Variants in P4HA1 observed in about 807,000 individuals in gnomAD.
P4HA1 encodes prolyl 4-hydroxylase subunit alpha-1.
P4HA1 carries 24 observed loss-of-function variants against 72.8 expected under a neutral mutation model. That is an observed-to-expected ratio of 0.33 (90% CI 0.24 to 0.46). P4HA1 has a LOEUF of 0.46. Among genes scored for constraint, P4HA1 ranks in the 20% least tolerant of loss-of-function variants. P4HA1 has a pLI of 1.00. For synonymous variants in P4HA1, 201 were observed against 218.8 expected (o/e 0.92, Z 0.72); for missense variants, 446 against 640.6 (o/e 0.70, Z 3.28).
chr10:73,068,186 A>G (rs1841471427), intron 5 of P4HA1, among the ~76,000 whole-genome samples: 1 of 152,196 alleles, frequency 6.6e-6, no homozygotes, highest in Admixed American at 6.5e-5. Context: ...TGAGCAAGAA[A>G]ACATTTTGAT....
At chr10:73,068,255 C>T (rs111347578) in intron 5 of P4HA1, among the ~76,000 whole-genome samples, 15 of 152,268 alleles carry the variant, frequency 9.9e-5, no homozygotes, top group African/African-American at 3.6e-4. Context: ...TGTGAAGACA[C>T]AGACAACATA....
intron 12 of P4HA1, among the ~76,000 whole-genome samples, chr10:73,011,542 G>A (rs1417150467): frequency 6.6e-6 from 1 of 151,940 alleles, no homozygotes; most frequent in Non-Finnish European, 1.5e-5. Context: ...TCATGGAAGG[G>A]AATCAAACAT....
intron 12 of P4HA1, among the ~76,000 whole-genome samples, chr10:73,014,023 G>T (rs533974399): frequency 9.2e-5 from 14 of 152,128 alleles, no homozygotes; most frequent in African/African-American, 2.9e-4. Flanking sequence ...TTCTAAGTTT[G>T]TCCAGAAGTT....
At chr10:73,022,248 A>G (rs577008790) in intron 10 of P4HA1, among the ~76,000 whole-genome samples, 1 of 152,308 alleles carries the variant, frequency 6.6e-6, no homozygotes, top group Non-Finnish European at 1.5e-5. Flanking sequence ...AGGGGCCGAC[A>G]GACACCTCAT....
At chr10:73,093,873 A>AAAATATAT (rs1564640954) in intron 1 of P4HA1, among the ~76,000 whole-genome samples, 4 of 29,322 alleles carry the variant, frequency 1.4e-4, no homozygotes, top group Non-Finnish European at 3.2e-4. Context: ...AAAAAAAAAA[A>AAAATATAT]ATATATATAT....
intron 11 of P4HA1, among the ~76,000 whole-genome samples, 156 bp from the exon 12 acceptor site, chr10:73,014,445 C>A (rs918357292): frequency 6.6e-6 from 1 of 152,276 alleles, no homozygotes; most frequent in African/African-American, 2.4e-5. Flanking sequence ...AAACATCAGG[C>A]AATCTTTTTG....
At chr10:73,008,903 C>G (rs1839851975) in intron 14 of P4HA1, among the ~76,000 whole-genome samples, 1 of 151,730 alleles carries the variant, frequency 6.6e-6, no homozygotes, top group Admixed American at 6.6e-5. Flanking sequence ...ACTCTTTTTC[C>G]TTCTTCAACC....
At chr10:73,050,639 G>A (rs1840996492) in intron 7 of P4HA1, among the ~76,000 whole-genome samples, 1 of 151,446 alleles carries the variant, frequency 6.6e-6, no homozygotes. Context: ...GGCGGAATTT[G>A]CAGTGAGCCG....
intron 10 of P4HA1, among the ~76,000 whole-genome samples, chr10:73,022,829 T>C (rs1301244307): frequency 6.6e-6 from 1 of 152,132 alleles, no homozygotes; most frequent in Admixed American, 6.5e-5. Flanking sequence ...AACCATGGCA[T>C]AAGAACGTCA....
intron 2 of P4HA1, 125 bp from the exon 3 acceptor site, chr10:73,073,952 ACTAT>A: frequency 1.5e-6 from 1 of 661,854 alleles, no homozygotes; most frequent in Non-Finnish European, 2.7e-6. Flanking sequence ...TATGCTGGAG[ACTAT>A]CTTTTCTTCC....
intron 9 of P4HA1, among the ~76,000 whole-genome samples, chr10:73,037,525 C>CCATA (rs1840605546): frequency 8.7e-5 from 3 of 34,298 alleles, no homozygotes; most frequent in African/African-American, 2.4e-4. Context: ...TCGAAAACCA[C>CCATA]TATATATATA....
chr10:73,014,637 G>C (rs1839976449), intron 11 of P4HA1, among the ~76,000 whole-genome samples: 1 of 151,986 alleles, frequency 6.6e-6, no homozygotes, highest in Non-Finnish European at 1.5e-5. Context: ...ATAAAAAGCA[G>C]ACTTATTAGC....
chr10:73,050,850 G>A (rs1006328100), intron 7 of P4HA1, among the ~76,000 whole-genome samples: 12 of 152,216 alleles, frequency 7.9e-5, no homozygotes, highest in African/African-American at 2.6e-4. Flanking sequence ...GACTACAAGT[G>A]TACACCAGCA....
intron 2 of P4HA1, 118 bp downstream of exon 2, chr10:73,074,690 A>G (rs1330090993): frequency 1.6e-6 from 1 of 619,474 alleles, no homozygotes; most frequent in Non-Finnish European, 2.9e-6. Flanking sequence ...TTTAGGGGGC[A>G]GGGAATAAAC....
At chr10:73,089,022 A>G (rs1841974686) in intron 1 of P4HA1, among the ~76,000 whole-genome samples, 1 of 152,212 alleles carries the variant, frequency 6.6e-6, no homozygotes, top group Non-Finnish European at 1.5e-5. Flanking sequence ...AATTTCTATA[A>G]GAAATCCTCT....
At chr10:73,049,832 T>C (rs1840970902) in intron 7 of P4HA1, among the ~76,000 whole-genome samples, 1 of 152,210 alleles carries the variant, frequency 6.6e-6, no homozygotes, top group Non-Finnish European at 1.5e-5. Flanking sequence ...CTGTTGTATC[T>C]CATAAGATGC....
intron 4 of P4HA1, 24 bp from the exon 5 acceptor site, chr10:73,069,007 A>G: frequency 6.4e-7 from 1 of 1,568,546 alleles, no homozygotes; most frequent in South Asian, 1.1e-5. Flanking sequence ...AATCAAAGAA[A>G]AAAAAACTGT....
At chr10:73,049,219 G>A (rs1356565550) in intron 7 of P4HA1, among the ~76,000 whole-genome samples, 1 of 152,122 alleles carries the variant, frequency 6.6e-6, no homozygotes, top group Non-Finnish European at 1.5e-5. Flanking sequence ...CCTATCTATT[G>A]AAAGTGTCAC....
chr10:73,059,265 G>A (rs1841241450), intron 5 of P4HA1, among the ~76,000 whole-genome samples: 2 of 151,530 alleles, frequency 1.3e-5, no homozygotes, highest in South Asian at 4.2e-4. Flanking sequence ...AGTTTGGACT[G>A]TCAAAGAATT....
Sources: gnomAD v4.1 joint callset for allele counts (sites outside exome capture counted in the v4.1 genomes callset) on GRCh38, gnomAD v4.1.1 for gene constraint, MANE v1.5 for transcripts, NCBI Gene and HGNC (gene_info 2026-07-23, HGNC 2026-07-21) for gene names.